Variants in SORBS2 observed in about 807,000 individuals in gnomAD.
SORBS2 encodes sorbin and SH3 domain containing 2.
A neutral mutation model predicts 97.7 loss-of-function variants in SORBS2; 46 were observed. The observed-to-expected ratio is 0.47, with a 90% CI of 0.37 to 0.60. SORBS2 has a LOEUF of 0.60. SORBS2 is among the 20% of genes least tolerant of loss of function. The pLI, the probability that SORBS2 is intolerant of heterozygous loss-of-function variation, is 0.00. For missense variants in SORBS2, 1,316 were observed against 1,282.3 expected, an observed-to-expected ratio of 1.03 and a Z score of -0.40; for synonymous variants, 476 against 473.4, an observed-to-expected ratio of 1.01 and a Z score of -0.07.
At chr4:185,811,060 G>T (rs1274517645) in intron 1 of SORBS2, 2 of 152,162 alleles carry the variant, frequency 1.3e-5, no homozygotes, top group Admixed American at 1.3e-4. Context: ...ACTCGGAAAG[G>T]AGGTGTGAAC....
chr4:185,666,655 A>G (rs1000524904), intron 4 of SORBS2, among the ~76,000 whole-genome samples: 2 of 152,234 alleles, frequency 1.3e-5, no homozygotes, highest in African/African-American at 4.8e-5. Flanking sequence ...CTGGTTTATG[A>G]ATCTAAACAC....
intron 2 of SORBS2, among the ~76,000 whole-genome samples, chr4:185,731,165 G>C (rs1056992575): frequency 6.6e-6 from 1 of 152,042 alleles, no homozygotes. Context: ...CTTTACTACA[G>C]TCTCATCTTG....
chr4:185,715,772 T>C (rs924511749), intron 2 of SORBS2, among the ~76,000 whole-genome samples: 1 of 152,176 alleles, frequency 6.6e-6, no homozygotes, highest in Non-Finnish European at 1.5e-5. Flanking sequence ...CTCCCTCGAC[T>C]ACAAGTGGCT....
chr4:185,742,711 A>G (rs2098734935), intron 2 of SORBS2, among the ~76,000 whole-genome samples: 1 of 152,260 alleles, frequency 6.6e-6, no homozygotes. Flanking sequence ...TCATAAATAA[A>G]GATATATTTG....
chr4:185,922,061 A>G (rs1236996841), intron 1 of SORBS2, among the ~76,000 whole-genome samples: 1 of 152,192 alleles, frequency 6.6e-6, no homozygotes, highest in Non-Finnish European at 1.5e-5. Flanking sequence ...TAGTCCTTTC[A>G]TTGGTGAGCC....
chr4:185,803,023 A>G (rs1454635818), intron 1 of SORBS2, among the ~76,000 whole-genome samples: 1 of 152,158 alleles, frequency 6.6e-6, no homozygotes, highest in Non-Finnish European at 1.5e-5. Context: ...CCTAATTCCT[A>G]CTGAACTCAA....
intron 4 of SORBS2, among the ~76,000 whole-genome samples, chr4:185,663,784 A>G (rs995404287): frequency 2.7e-5 from 4 of 149,886 alleles, no homozygotes; most frequent in South Asian, 4.2e-4. Context: ...TCTGAATCCT[A>G]TTTTGATGGT....
At chr4:185,720,481 T>C (rs2098504059) in intron 2 of SORBS2, among the ~76,000 whole-genome samples, 1 of 152,164 alleles carries the variant, frequency 6.6e-6, no homozygotes, top group African/African-American at 2.4e-5. Context: ...ATCACACCCA[T>C]GCAATTGCTT....
intron 9 of SORBS2, among the ~76,000 whole-genome samples, chr4:185,618,167 G>A (rs1398702018): frequency 1.3e-5 from 2 of 152,094 alleles, no homozygotes; most frequent in African/African-American, 2.4e-5. Context: ...TAGAGACATG[G>A]TTTTGCCATG....
At chr4:185,764,189 T>C (rs576849525) in intron 2 of SORBS2, among the ~76,000 whole-genome samples, 2 of 152,314 alleles carry the variant, frequency 1.3e-5, no homozygotes, top group Admixed American at 6.5e-5. Context: ...CTGTAGCAAC[T>C]GAGAGGACTG....
intron 2 of SORBS2, chr4:185,761,478 A>T (rs1463063325): frequency 6.6e-6 from 1 of 152,260 alleles, no homozygotes. Flanking sequence ...ATTCACCTGC[A>T]TTTTTAGAGT....
chr4:185,702,874 C>A (rs1025161772), intron 2 of SORBS2, among the ~76,000 whole-genome samples: 1 of 152,076 alleles, frequency 6.6e-6, no homozygotes. Flanking sequence ...CATTTGTTGA[C>A]CTTTAATGTG....
intron 1 of SORBS2, among the ~76,000 whole-genome samples, chr4:185,654,580 C>G (rs1282668814): frequency 6.6e-6 from 1 of 152,134 alleles, no homozygotes; most frequent in Non-Finnish European, 1.5e-5. Context: ...AGAAAATGCC[C>G]TGCTGGCAAA....
At chr4:185,677,149 G>A (rs2097798343) in intron 4 of SORBS2, 1 of 1,551,728 alleles carries the variant, frequency 6.4e-7, no homozygotes, top group East Asian at 2.4e-5. Flanking sequence ...TGAATGGAAA[G>A]AGATGCTGTG....
chr4:185,645,019 C>G (rs2097184939), intron 4 of SORBS2, among the ~76,000 whole-genome samples: 1 of 152,088 alleles, frequency 6.6e-6, no homozygotes, highest in East Asian at 1.9e-4. Context: ...GTGTCCTGTT[C>G]CCCGCTGTGC....
Position 185,587,698 on chromosome 4 carries a change from G to A in SORBS2, c.2954-10C>T, listed in dbSNP as rs2095817689. On this transcript the variant is annotated splice_polypyrimidine_tract_variant and intron_variant, in intron 14 of 14. Transcript: ENST00000418609. ...GTTCTTCTTGAGGTCCCTGAAAATAGAAGCGAGTCATGAAAGGGGGGTGAC... is the reference window on the plus strand; with the variant it reads ...GTTCTTCTTGAGGTCCCTGAAAATAAAAGCGAGTCATGAAAGGGGGGTGAC... 2 of 1,610,206 alleles carry A rather than the reference G, an allele frequency of 1.2e-6. No homozygotes were observed. The highest frequency in any genetic ancestry group is 1.7e-6 in the Non-Finnish European group (2 of 1,177,142).
At chr4:185,619,622 G>A (rs945920394) in intron 8 of SORBS2, among the ~76,000 whole-genome samples, 27 of 152,144 alleles carry the variant, frequency 1.8e-4, no homozygotes, top group Non-Finnish European at 1.8e-4. Context: ...TCTTTTTAGG[G>A]ATCCTCTCCA....
rs149431346 is a variant in SORBS2 at position 185,820,296 on chromosome 4, C to T, written c.-337-44930G>A. 1.3e-3 allele frequency among the ~76,000 whole-genome samples: 191 copies of T among 152,334 alleles called. 1 individual carries two copies. Among genetic ancestry groups the T allele is most frequent in the African/African-American group, 4.4e-3 (182 of 41,576 alleles). On this transcript the variant is annotated intron_variant, in intron 1 of 20. Transcript: ENST00000284776. ...CTGCAACCTCACCTGGACAGCGCGG[C>T]GCTGTGTGAACAGCCAGCAGGAGGC...
chr4:185,928,569 G>A (rs895127048), intron 1 of SORBS2, among the ~76,000 whole-genome samples: 3 of 151,928 alleles, frequency 2.0e-5, no homozygotes, highest in Admixed American at 1.3e-4. Context: ...TTTTTGAGAC[G>A]GAGTTTTGCT....
Sources: gnomAD v4.1 joint callset for allele counts (sites outside exome capture counted in the v4.1 genomes callset) on GRCh38, gnomAD v4.1.1 for gene constraint, MANE v1.5 for transcripts, NCBI Gene and HGNC (gene_info 2026-07-23, HGNC 2026-07-21) for gene names.